KCNIP1: variants seen among roughly 807,000 people sequenced by gnomAD.
KCNIP1 encodes A-type potassium channel modulatory protein KCNIP1.
Under a neutral mutation model 33.0 loss-of-function variants are expected in KCNIP1, and 18 were observed. The observed-to-expected ratio is 0.55, with a 90% CI of 0.38 to 0.81. The LOEUF (loss-of-function observed/expected upper bound fraction) is 0.81, where lower values mean the gene tolerates loss of function less well. Ranked by LOEUF, KCNIP1 falls within the 30% of genes least tolerant of loss-of-function variation. KCNIP1 has a pLI of 0.00. For missense variants in KCNIP1, 238 were observed against 271.6 expected, an observed-to-expected ratio of 0.88 and a Z score of 0.87; for synonymous variants, 93 against 98.3, an observed-to-expected ratio of 0.95 and a Z score of 0.32.
intron 1 of KCNIP1, among the ~76,000 whole-genome samples, chr5:170,408,886 A>G (rs900133793): frequency 2.6e-5 from 4 of 152,180 alleles, no homozygotes; most frequent in African/African-American, 9.7e-5. Context: ...AAGGTGCTGG[A>G]GGGAAAGTCA....
At chr5:170,501,476 T>C (rs370030667), upstream of KCNIP1, among the ~76,000 whole-genome samples, 9 of 152,344 alleles carry the variant, frequency 5.9e-5, no homozygotes, top group East Asian at 1.3e-3. Flanking sequence ...GGATTTTATT[T>C]TGGTGACTTC....
chr5:170,494,983 T>C (rs926654289), intron 1 of KCNIP1, among the ~76,000 whole-genome samples: 1 of 152,190 alleles, frequency 6.6e-6, no homozygotes, highest in South Asian at 2.1e-4. Context: ...TGAGGATCAT[T>C]TTATGAATAG....
intron 1 of KCNIP1, among the ~76,000 whole-genome samples, chr5:170,478,288 T>C (rs1427227715): frequency 6.6e-6 from 1 of 152,236 alleles, no homozygotes; most frequent in Non-Finnish European, 1.5e-5. Context: ...TATCATAAAG[T>C]TTGGGAGCAT....
At chr5:170,590,189 G>C (rs919149107) in intron 1 of KCNIP1, among the ~76,000 whole-genome samples, 1 of 152,068 alleles carries the variant, frequency 6.6e-6, no homozygotes, top group African/African-American at 2.4e-5. Flanking sequence ...GAGGTAGTTG[G>C]GAGTTTTACA....
In KCNIP1 at chr5:170,634,480, G is replaced by A. The variant is rs531164631; in HGVS notation, c.62-84278G>A. On this transcript the variant is annotated intron_variant, in intron 1 of 7. Coordinates refer to ENST00000328939, the MANE Select transcript of KCNIP1 (RefSeq NM_014592.4). ...GCTGCCAGACTGAGAACCACACTTC[G>A]AGTAGCACCAAAGTAGGCAACTGGA... is the stretch of plus-strand genomic sequence containing the variant. Among the ~76,000 whole-genome samples the A allele has an allele frequency of 8.5e-5, 13 of 152,294 alleles. No individual in the cohort carries two copies. The East Asian group carries it at 1.2e-3, about 14-fold the overall frequency.
intron 1 of KCNIP1, among the ~76,000 whole-genome samples, chr5:170,494,353 G>A (rs1278952721): frequency 6.6e-6 from 1 of 152,174 alleles, no homozygotes. Context: ...AATGCAAGAA[G>A]GAGCAACAGA....
intron 1 of KCNIP1, among the ~76,000 whole-genome samples, chr5:170,600,877 G>C (rs1227344771): frequency 6.6e-6 from 1 of 152,122 alleles, no homozygotes; most frequent in Non-Finnish European, 1.5e-5. Context: ...CATATAAATT[G>C]ATTAGTGCAG....
At chr5:170,718,305 C>T (rs1763700783) in intron 1 of KCNIP1, among the ~76,000 whole-genome samples, 1 of 152,132 alleles carries the variant, frequency 6.6e-6, no homozygotes. Context: ...TCATGCTATC[C>T]ATTCCTAGTT....
chr5:170,488,367 G>A (rs962953700), intron 1 of KCNIP1, among the ~76,000 whole-genome samples: 2 of 152,212 alleles, frequency 1.3e-5, no homozygotes, highest in African/African-American at 4.8e-5. Flanking sequence ...GCCTGGTGCA[G>A]ATGAGGTCTG....
At chr5:170,660,449 C>CT (rs958620968) in intron 1 of KCNIP1, among the ~76,000 whole-genome samples, 4 of 151,766 alleles carry the variant, frequency 2.6e-5, no homozygotes, top group African/African-American at 9.7e-5. Context: ...GAGCATAACA[C>CT]TTTTTTTGAT....
Position 170,548,170 on chromosome 5 carries a change from T to C in KCNIP1, c.61+43537T>C, listed in dbSNP as rs1215406817. Among the ~76,000 whole-genome samples the C allele has an allele frequency of 2.6e-5, 4 of 152,350 alleles. No homozygotes were observed. The East Asian group carries it at 5.8e-4, about 22-fold the overall frequency. ...TCTAGATGCTCTATATGGTTATTTT[T>C]CAAATCTGCTAAGACATTTTTATAG... On this transcript the variant is annotated intron_variant, in intron 1 of 7. Transcript: ENST00000328939.
At chr5:170,438,369 G>A (rs1487459009) in intron 1 of KCNIP1, among the ~76,000 whole-genome samples, 1 of 152,236 alleles carries the variant, frequency 6.6e-6, no homozygotes. Flanking sequence ...GGACAGCAGG[G>A]CACACTGGAG....
intron 1 of KCNIP1, chr5:170,642,067 G>A (rs1363186120): frequency 6.6e-6 from 1 of 152,308 alleles, no homozygotes; most frequent in East Asian, 1.9e-4. Flanking sequence ...GTGCGTGTGG[G>A]AGGTTGGATT....
intron 1 of KCNIP1, among the ~76,000 whole-genome samples, chr5:170,611,158 C>T (rs1467294861): frequency 6.7e-6 from 1 of 148,574 alleles, no homozygotes; most frequent in Non-Finnish European, 1.5e-5. Flanking sequence ...CAATTCTAGT[C>T]TCTGATTTTT....
At chr5:170,456,373 C>T (rs989290960) in intron 1 of KCNIP1, among the ~76,000 whole-genome samples, 47 of 151,940 alleles carry the variant, frequency 3.1e-4, no homozygotes, top group African/African-American at 1.1e-3. Context: ...GGGTTTAAAA[C>T]CTAGATGACA....
intron 1 of KCNIP1, among the ~76,000 whole-genome samples, chr5:170,628,628 G>A (rs972195986): frequency 6.6e-6 from 1 of 152,110 alleles, no homozygotes; most frequent in Non-Finnish European, 1.5e-5. Context: ...GTCATAAACC[G>A]CAGCATGGGG....
At chr5:170,434,418 G>A (rs541218357) in intron 1 of KCNIP1, among the ~76,000 whole-genome samples, 2 of 152,174 alleles carry the variant, frequency 1.3e-5, no homozygotes, top group Admixed American at 6.5e-5. Context: ...CTCCTGGGGT[G>A]TTTGCTTTCC....
intron 1 of KCNIP1, among the ~76,000 whole-genome samples, chr5:170,605,874 A>C (rs1758894989): frequency 6.7e-6 from 1 of 149,392 alleles, no homozygotes; most frequent in Admixed American, 6.8e-5. Context: ...CCCTGGGTTC[A>C]AGTCATTCTC....
intron 1 of KCNIP1, among the ~76,000 whole-genome samples, chr5:170,640,293 C>CATT (rs1157902281): frequency 6.6e-6 from 1 of 152,218 alleles, no homozygotes; most frequent in South Asian, 2.1e-4. Flanking sequence ...TCACAATGCA[C>CATT]ATTAGTATAT....
Sources: allele counts gnomAD v4.1 joint callset (sites outside exome capture counted in the v4.1 genomes callset), GRCh38; gene constraint gnomAD v4.1.1; transcripts MANE v1.5; gene names NCBI Gene and HGNC (gene_info 2026-07-23, HGNC 2026-07-21).